PRKCA: variants seen among roughly 807,000 people sequenced by gnomAD.
PRKCA encodes the protein protein kinase C alpha type.
PRKCA carries 27 observed loss-of-function variants against 87.0 expected under a neutral mutation model. The observed-to-expected ratio is 0.31, with a 90% CI of 0.23 to 0.43. The LOEUF is 0.43. Among genes scored for constraint, PRKCA ranks in the 20% least tolerant of loss-of-function variants. The pLI is 1.00. For missense variants in PRKCA, 518 were observed against 852.3 expected (o/e 0.61, Z 4.88); for synonymous variants, 329 against 311.1 (o/e 1.06, Z -0.61).
chr17:66,754,606 G>A (rs1002123039), intron 13 of PRKCA, among the ~76,000 whole-genome samples: 5 of 152,146 alleles, frequency 3.3e-5, no homozygotes, highest in Non-Finnish European at 7.4e-5. Context: ...CCATTAAGGA[G>A]GTTCCTGAAA....
chr17:66,783,934 G>A (rs769841917), intron 14 of PRKCA, among the ~76,000 whole-genome samples: 3 of 152,224 alleles, frequency 2.0e-5, no homozygotes, highest in Admixed American at 6.5e-5. Context: ...AGCCTACACG[G>A]TCGCACAGGG....
intron 8 of PRKCA, among the ~76,000 whole-genome samples, chr17:66,731,729 G>T (rs1389344100): frequency 6.7e-6 from 1 of 150,204 alleles, no homozygotes; most frequent in African/African-American, 2.4e-5. Context: ...CCACCAGGCA[G>T]TGACCAGATA....
intron 13 of PRKCA, among the ~76,000 whole-genome samples, chr17:66,770,683 T>C (rs537310310): frequency 1.3e-5 from 2 of 152,358 alleles, no homozygotes; most frequent in African/African-American, 4.8e-5. Flanking sequence ...CCTATGGTAG[T>C]GTCTGCCACG....
Position 66,787,195 on chromosome 17 carries a change from C to A in PRKCA, c.1713+221C>A, listed in dbSNP as rs189134445. The A allele has an allele frequency of 4.1e-6, 3 of 732,320 alleles. No individual in the cohort carries two copies. In the East Asian group the frequency reaches 8.0e-5, roughly 20 times the overall value. The allele number at this position is 732,320 out of a possible 1,614,324, so 45.4% of individuals were successfully genotyped here. On this transcript the variant is annotated intron_variant, in intron 15 of 16. Transcript: ENST00000413366. The stretch of plus-strand genomic sequence containing the variant: ...GGCCTGTTTTGAACTCTGCACAAAC[C>A]GAACCTTGTAGTGTTGCTCCTGGCC...
intron 6 of PRKCA, among the ~76,000 whole-genome samples, chr17:66,687,667 A>G (rs1972666083): frequency 6.6e-6 from 1 of 152,212 alleles, no homozygotes; most frequent in South Asian, 2.1e-4. Flanking sequence ...TGAGTAACAT[A>G]GAAAGTGTTA....
At chr17:66,604,810 A>G (rs1970161151) in intron 3 of PRKCA, among the ~76,000 whole-genome samples, 1 of 152,216 alleles carries the variant, frequency 6.6e-6, no homozygotes, top group Admixed American at 6.5e-5. Flanking sequence ...AAATTTTTAC[A>G]ATTATGATTG....
chr17:66,679,304 C>A lies in PRKCA; in HGVS notation c.530-7807C>A, dbSNP rs189814399. Reference sequence around the variant, plus strand: ...CACGCCATTCTCCTGCCTCAGCCTCCCGAGTAGCTGTGACTACAGGCGTCC... The same window carrying A: ...CACGCCATTCTCCTGCCTCAGCCTCACGAGTAGCTGTGACTACAGGCGTCC... On this transcript the variant is annotated intron_variant, in intron 5 of 16. Transcript: ENST00000413366. Among the ~76,000 whole-genome samples the A allele has an allele frequency of 3.3e-4, 50 of 152,052 alleles. 2 individuals are homozygous for A. In the Middle Eastern group the frequency reaches 0.01, roughly 31 times the overall value.
chr17:66,313,018 C>T (rs536267750), intron 2 of PRKCA, among the ~76,000 whole-genome samples: 22 of 152,254 alleles, frequency 1.4e-4, no homozygotes, highest in African/African-American at 3.6e-4. Context: ...GGATTACAGG[C>T]GTGAGCTCCC....
chr17:66,585,409 T>C (rs1255824270), intron 3 of PRKCA, among the ~76,000 whole-genome samples: 3 of 152,226 alleles, frequency 2.0e-5, no homozygotes, highest in South Asian at 2.1e-4. Context: ...GCTGCTCTGC[T>C]AGAAAAGAAA....
At chr17:66,401,011 T>C (rs575874050) in intron 2 of PRKCA, among the ~76,000 whole-genome samples, 1 of 152,244 alleles carries the variant, frequency 6.6e-6, no homozygotes, top group African/African-American at 2.4e-5. Context: ...GTATTTGGGG[T>C]GTTTCTTTTT....
intron 2 of PRKCA, among the ~76,000 whole-genome samples, chr17:66,482,011 G>T (rs1488764042): frequency 1.4e-5 from 2 of 141,332 alleles, no homozygotes; most frequent in South Asian, 2.2e-4. Flanking sequence ...TGAGGCAGGA[G>T]AATCACTTGA....
chr17:66,311,808 C>T (rs1905098916), intron 2 of PRKCA, among the ~76,000 whole-genome samples: 1 of 152,116 alleles, frequency 6.6e-6, no homozygotes, highest in Non-Finnish European at 1.5e-5. Flanking sequence ...TACTCTTTTA[C>T]TTTATACGGT....
chr17:66,386,807 C>A (rs199954787), intron 2 of PRKCA, among the ~76,000 whole-genome samples: 2 of 148,898 alleles, frequency 1.3e-5, no homozygotes, highest in East Asian at 3.9e-4. Context: ...TTTTTTTTTT[C>A]TTTTAATGTA....
intron 3 of PRKCA, among the ~76,000 whole-genome samples, chr17:66,536,182 A>G (rs1055357680): frequency 3.9e-5 from 6 of 152,212 alleles, no homozygotes; most frequent in Non-Finnish European, 5.9e-5. Flanking sequence ...GTCCCAAATG[A>G]CATTGAGAAG....
At chr17:66,778,668 T>G (rs1392408706) in intron 14 of PRKCA, among the ~76,000 whole-genome samples, 2 of 151,298 alleles carry the variant, frequency 1.3e-5, no homozygotes, top group Non-Finnish European at 1.5e-5. Context: ...CATGACAAAA[T>G]CCCGTCTACA....
intron 5 of PRKCA, among the ~76,000 whole-genome samples, chr17:66,660,191 A>G (rs1281427431): frequency 6.6e-6 from 1 of 152,034 alleles, no homozygotes; most frequent in African/African-American, 2.4e-5. Flanking sequence ...AATGTAGAAC[A>G]AAGAACAGCA....
chr17:66,308,897 T>TCC (rs1395575708), intron 2 of PRKCA, among the ~76,000 whole-genome samples: 7 of 151,594 alleles, frequency 4.6e-5, no homozygotes, highest in Non-Finnish European at 8.8e-5. Flanking sequence ...GTTTTTTTTT[T>TCC]CCTCGGTTTT....
chr17:66,663,743 G>A (rs903235882), intron 5 of PRKCA, among the ~76,000 whole-genome samples: 1 of 152,168 alleles, frequency 6.6e-6, no homozygotes, highest in Non-Finnish European at 1.5e-5. Context: ...TGCCAGGCAG[G>A]ACTGAATAGT....
At chr17:66,427,988 C>T (rs1398410926) in intron 2 of PRKCA, among the ~76,000 whole-genome samples, 1 of 152,176 alleles carries the variant, frequency 6.6e-6, no homozygotes, top group Non-Finnish European at 1.5e-5. Context: ...ATTCCTCCTC[C>T]TGACCTCTGC....
Sources: allele counts gnomAD v4.1 joint callset (sites outside exome capture counted in the v4.1 genomes callset), GRCh38; gene constraint gnomAD v4.1.1; transcripts MANE v1.5; gene names NCBI Gene and HGNC (gene_info 2026-07-23, HGNC 2026-07-21).